Variants in ZNHIT3 observed in about 807,000 individuals in gnomAD.
The protein encoded by ZNHIT3 is zinc finger HIT-type containing 3, also known as zinc finger HIT domain-containing protein 3.
A neutral mutation model predicts 19.9 loss-of-function variants in ZNHIT3; 27 were observed. That is an observed-to-expected ratio of 1.36 (90% CI 1.00 to 1.87). The LOEUF is 1.87. Ranked by LOEUF, ZNHIT3 falls within the 40% of genes most tolerant of loss-of-function variation. The pLI, the probability that ZNHIT3 is intolerant of heterozygous loss-of-function variation, is 0.00. For missense variants in ZNHIT3, 215 were observed against 185.6 expected, an observed-to-expected ratio of 1.16 and a Z score of -0.92; for synonymous variants, 81 against 65.7, an observed-to-expected ratio of 1.23 and a Z score of -1.13.
Position 36,495,348 on chromosome 17 carries a change from G to A in ZNHIT3, c.412G>A (p.Glu138Lys). ...RAYMQEPLFV[E>K]FADCCLGIVE... Reference sequence around the variant, plus strand: ...TTACATGCAAGAGCCTTTGTTTGTGGAGTTTGCAGACTGCTGTTTAGGAAT... The same window carrying A: ...TTACATGCAAGAGCCTTTGTTTGTGAAGTTTGCAGACTGCTGTTTAGGAAT... The change falls in exon 5 of 5, where the codon GAG becomes AAG. Residue 138 changes from glutamate to lysine, a missense_variant. Transcript: ENST00000617429. 6.2e-7 allele frequency: 1 copy of A among 1,613,048 alleles called. No individual in the cohort carries two copies.
chr17:36,496,335 G>T (rs745348591), downstream of ZNHIT3: 1 of 1,614,032 alleles, frequency 6.2e-7, no homozygotes, highest in Middle Eastern at 1.6e-4. Context: ...CTGTAATGCT[G>T]TAGGGTGAAG....
chr17:36,495,642 T>A lies in ZNHIT3; in HGVS notation c.*238T>A. 1.6e-6 allele frequency: 2 copies of A among 1,289,910 alleles called. No individual in the cohort carries two copies. The highest frequency in any genetic ancestry group is 2.0e-6 in the Non-Finnish European group (2 of 1,022,174). 79.9% of individuals were successfully genotyped at this position (1,289,910 alleles called of 1,614,324 possible). On this transcript the variant is annotated 3_prime_UTR_variant, in exon 5 of 5. Coordinates refer to ENST00000617429, the MANE Select transcript of ZNHIT3 (RefSeq NM_004773.4). ...AAACTTGACATTCAGATGATTGTTT[T>A]TAAATGTTTTACTTTTGGTACAGTT...
downstream of ZNHIT3, chr17:36,498,256 C>T (rs376647825): frequency 6.2e-6 from 10 of 1,602,794 alleles, no homozygotes; most frequent in African/African-American, 1.1e-4. Flanking sequence ...GGCCATCACA[C>T]ACAACGTACC....
At chr17:36,487,002 G>T (rs1432808858) in intron 2 of ZNHIT3, 36 bp downstream of exon 2, 5 of 1,608,196 alleles carry the variant, frequency 3.1e-6, no homozygotes, top group South Asian at 1.1e-5. Flanking sequence ...GTACCACTGC[G>T]CACGGGGCAG....
At chr17:36,496,493 CAAG>C, downstream of ZNHIT3, 2 of 1,323,002 alleles carry the variant, frequency 1.5e-6, no homozygotes. Context: ...GCTAAAAATG[CAAG>C]AAGGTATGGA....
downstream of ZNHIT3, chr17:36,498,296 AG>A: frequency 6.2e-7 from 1 of 1,613,404 alleles, no homozygotes; most frequent in East Asian, 2.2e-5. Flanking sequence ...ACGTGACACC[AG>A]CCTGGTCTTG....
rs1567719845 is a variant in ZNHIT3, at chr17:36,495,744, T to C, written c.*340T>C. 1 of 1,246,068 alleles carries C rather than the reference T, an allele frequency of 8.0e-7. No individual in the cohort carries two copies. Among genetic ancestry groups the C allele is most frequent in the Non-Finnish European group, 1.0e-6 (1 of 996,392 alleles). 77.2% of individuals were successfully genotyped at this position (1,246,068 alleles called of 1,614,324 possible). A position where few individuals can be genotyped will look rare whatever the true frequency, so the allele number is the denominator to read the frequency against. ...GGTCAGTGTTAATAAAATCAAAACG[T>C]GATTCTACTGTACATTGCATTATTC... On this transcript the variant is annotated 3_prime_UTR_variant, in exon 5 of 5. Coordinates refer to ENST00000617429, the MANE Select transcript of ZNHIT3 (RefSeq NM_004773.4).
Position 36,486,745 on chromosome 17 carries a change from G to A in ZNHIT3, c.46G>A (p.Glu16Lys). 6.2e-7 allele frequency: 1 copy of A among 1,613,856 alleles called. No individual in the cohort carries two copies. The highest frequency in any genetic ancestry group is 8.5e-7 in the Non-Finnish European group (1 of 1,179,892). Residue 16 changes from glutamate (E) to lysine (K), a missense_variant, in exon 1 of 5, where the codon GAG becomes AAG. Glu to Lys is a moderately conservative substitution (Grantham distance 56, BLOSUM62 1). Transcript: ENST00000617429. ...CACCGTCGTCTGCGTGATCTGCTTG[G>A]AGAAGCCCAAATACCGCTGTCCAGC... ...CSTVVCVICLEKPKYRCPACR... is the reference protein window; with the variant it reads ...CSTVVCVICLKKPKYRCPACR...
At chr17:36,487,820 T>C (rs2142513264) in intron 2 of ZNHIT3, among the ~76,000 whole-genome samples, 1 of 136,156 alleles carries the variant, frequency 7.3e-6, no homozygotes, top group South Asian at 2.4e-4. Flanking sequence ...AAGTTTGATG[T>C]AGGTGGGGCG....
chr17:36,487,600 C>A (rs2070604966), intron 2 of ZNHIT3, among the ~76,000 whole-genome samples: 1 of 151,786 alleles, frequency 6.6e-6, no homozygotes, highest in African/African-American at 2.4e-5. Context: ...TCGAGACCAG[C>A]CTGGCCAACA....
chr17:36,497,156 C>T (rs1599177529), downstream of ZNHIT3, among the ~76,000 whole-genome samples: 1 of 149,150 alleles, frequency 6.7e-6, no homozygotes, highest in Non-Finnish European at 1.5e-5. Flanking sequence ...ATGGCGAAAC[C>T]CCGTCTCTAT....
chr17:36,492,939 A>C, intron 3 of ZNHIT3, 40 bp downstream of exon 3: 1 of 1,580,430 alleles, frequency 6.3e-7, no homozygotes, highest in Non-Finnish European at 8.7e-7. Flanking sequence ...AAGGGACTTC[A>C]CATAGAATAA....
At position 36,493,959 on chromosome 17, in the gene ZNHIT3, G is replaced by C; in HGVS notation, c.239G>C (p.Ser80Thr). Reference sequence around the variant, plus strand: ...GACTCTATAGCTGATTTTCTCAATAGTGATGAGGAAGAAGACAGAGTTTCT... The same window carrying C: ...GACTCTATAGCTGATTTTCTCAATACTGATGAGGAAGAAGACAGAGTTTCT... ...DDDSIADFLN[S>T]DEEEDRVSLQ... The change falls in exon 4 of 5, where the codon AGT (serine) becomes ACT (threonine). Residue 80 changes from serine to threonine, a missense_variant. Physicochemically the swap from Ser to Thr is moderately conservative, Grantham distance 58 (BLOSUM62 1). Coordinates refer to ENST00000617429, the MANE Select transcript of ZNHIT3 (RefSeq NM_004773.4). 2 of 1,613,836 alleles carry C rather than the reference G, an allele frequency of 1.2e-6. No individual in the cohort carries two copies. The highest frequency in any genetic ancestry group is 1.7e-6 in the Non-Finnish European group (2 of 1,179,772).
At chr17:36,493,216 T>C in intron 3 of ZNHIT3, 1 of 408,316 alleles carries the variant, frequency 2.4e-6, no homozygotes, top group Non-Finnish European at 4.5e-6. Context: ...TCTCCCTCCA[T>C]GAATCTGGCT....
chr17:36,493,043 G>C lies in ZNHIT3; in HGVS notation c.205+144G>C, dbSNP rs1599152970. 7 of 737,722 alleles carry C rather than the reference G, an allele frequency of 9.5e-6. No homozygotes were observed. In the African/African-American group the frequency reaches 1.1e-4, roughly 11 times the overall value. 45.7% of individuals were successfully genotyped at this position (737,722 alleles called of 1,614,324 possible). On this transcript the variant is annotated intron_variant, in intron 3 of 4. Coordinates refer to ENST00000617429, the MANE Select transcript of ZNHIT3 (RefSeq NM_004773.4). ...GCTTCCTTAGCCTTGAGCATCAGGA[G>C]TGGGGCCATGTCATCATGGGTGATA... is the stretch of plus-strand genomic sequence containing the variant.
chr17:36,499,160 G>A, downstream of ZNHIT3: 1 of 1,601,456 alleles, frequency 6.2e-7, no homozygotes, highest in Non-Finnish European at 8.5e-7. Context: ...GGAACGAATG[G>A]CTAAGAGGTT....
downstream of ZNHIT3, chr17:36,496,100 C>A (rs545420663): frequency 9.2e-6 from 10 of 1,088,080 alleles, no homozygotes; most frequent in Non-Finnish European, 1.3e-5. Flanking sequence ...ACGCACTGGG[C>A]ACGGGGCTCT....
At chr17:36,496,822 T>C (rs2142607834), downstream of ZNHIT3, among the ~76,000 whole-genome samples, 3 of 152,330 alleles carry the variant, frequency 2.0e-5, no homozygotes, top group Middle Eastern at 3.4e-3. Context: ...GCCCATTTTA[T>C]AGACAGGCTC....
At chr17:36,499,011 C>T, downstream of ZNHIT3, 1 of 1,329,132 alleles carries the variant, frequency 7.5e-7, no homozygotes, top group Middle Eastern at 1.9e-4. Flanking sequence ...AGCATTCCCA[C>T]TCGGGTCCAT....
Sources: gnomAD v4.1 joint callset for allele counts (sites outside exome capture counted in the v4.1 genomes callset) on GRCh38, gnomAD v4.1.1 for gene constraint, MANE v1.5 for transcripts, NCBI Gene and HGNC (gene_info 2026-07-23, HGNC 2026-07-21) for gene names.